Variants in SCARA3 observed in about 807,000 individuals in gnomAD.
SCARA3 encodes scavenger receptor class A member 3.
A neutral mutation model predicts 47.0 loss-of-function variants in SCARA3; 39 were observed. The ratio of observed to expected loss-of-function variants is 0.83; its 90% CI spans 0.64 to 1.08. The LOEUF is 1.08. Ranked by LOEUF, SCARA3 falls within the 50% of genes least tolerant of loss-of-function variation. The pLI, the probability that SCARA3 is intolerant of heterozygous loss-of-function variation, is 0.00. For missense variants in SCARA3, 724 were observed against 792.3 expected (o/e 0.91, Z 1.04); for synonymous variants, 356 against 334.1 (o/e 1.07, Z -0.71).
intron 1 of SCARA3, among the ~76,000 whole-genome samples, chr8:27,647,935 G>A (rs1256831238): frequency 6.6e-6 from 1 of 152,266 alleles, no homozygotes; most frequent in African/African-American, 2.4e-5. Flanking sequence ...CATGGCATTT[G>A]GGCCTCAGGT....
At chr8:27,665,915 G>T (rs949924944) in intron 5 of SCARA3, among the ~76,000 whole-genome samples, 2 of 152,200 alleles carry the variant, frequency 1.3e-5, no homozygotes, top group African/African-American at 4.8e-5. Context: ...AGAAATGTTT[G>T]CTCGGTGAAT....
chr8:27,657,925 A>T (rs937925034), intron 4 of SCARA3, among the ~76,000 whole-genome samples: 5 of 152,144 alleles, frequency 3.3e-5, no homozygotes, highest in African/African-American at 1.2e-4. Context: ...TGCTTAGGTC[A>T]TGCCACAATT....
At chr8:27,703,844 C>CTTTTTTTTTTTTTTTTTTTTTT in the SCARA3 span, 11 of 54,524 alleles carry the variant, frequency 2.0e-4, no homozygotes, top group African/African-American at 5.9e-4. Context: ...GTGCTTTCTA[C>CTTTTTTTTTTTTTTTTTTTTTT]TTTTTTTTTT....
At chr8:27,668,904 C>T (rs1802080742) in intron 5 of SCARA3, among the ~76,000 whole-genome samples, 1 of 152,118 alleles carries the variant, frequency 6.6e-6, no homozygotes, top group Non-Finnish European at 1.5e-5. Flanking sequence ...GGTTGTCCAC[C>T]AAAGATGGTG....
At position 27,659,147 on chromosome 8, in the gene SCARA3, A is replaced by G. The variant is rs766519479; in HGVS notation, c.977A>G (p.His326Arg). ...CTGGATGACCACGAAGAGAACATGC[A>G]TGATCTTCAGTACCATACCCACTAC... ...SFLDDHEENM[H>R]DLQYHTHYAQ... The change falls in exon 5 of 6, where the codon CAT becomes CGT. Residue 326 changes from histidine (H) to arginine (R), a missense_variant. Physicochemically the swap from His to Arg is conservative, Grantham distance 29. Transcript: ENST00000301904. 5 of 1,614,114 alleles carry G rather than the reference A, an allele frequency of 3.1e-6. No homozygotes were observed. In the Admixed American group the frequency reaches 5.0e-5, roughly 16 times the overall value.
At chr8:27,660,638 A>AGATAGATAGAT (rs71222504) in intron 5 of SCARA3, among the ~76,000 whole-genome samples, 1 of 147,548 alleles carries the variant, frequency 6.8e-6, no homozygotes, top group Non-Finnish European at 1.5e-5. Flanking sequence ...ATAGATAGAT[A>AGATAGATAGAT]GATAGATAGA....
the SCARA3 span, among the ~76,000 whole-genome samples, chr8:27,720,221 G>A: frequency 7.2e-5 from 11 of 152,142 alleles, no homozygotes; most frequent in African/African-American, 2.7e-4. Flanking sequence ...ACAGGAGGGT[G>A]CTGAGCAAGT....
At chr8:27,724,234 G>A in the SCARA3 span, among the ~76,000 whole-genome samples, 1 of 152,156 alleles carries the variant, frequency 6.6e-6, no homozygotes, top group African/African-American at 2.4e-5. Context: ...ATTTTTGGCA[G>A]GGTTGCTAGA....
the SCARA3 span, among the ~76,000 whole-genome samples, chr8:27,715,578 AC>A: frequency 3.5e-5 from 3 of 86,476 alleles, no homozygotes; most frequent in Admixed American, 2.3e-4. This position sits in a 1 kb window ranked among gnomAD's most constrained non-coding sequence, Gnocchi z 4.2. Context: ...CCCACTTCGC[AC>A]CTAGATAGAT....
chr8:27,665,497 G>A (rs1309953170), intron 5 of SCARA3, among the ~76,000 whole-genome samples: 1 of 152,146 alleles, frequency 6.6e-6, no homozygotes, highest in African/African-American at 2.4e-5. Flanking sequence ...CCATCATAAC[G>A]TATTAGCTAA....
intron 3 of SCARA3, among the ~76,000 whole-genome samples, chr8:27,653,291 C>T (rs1305325285): frequency 6.6e-6 from 1 of 152,180 alleles, no homozygotes; most frequent in African/African-American, 2.4e-5. Flanking sequence ...GTCAGCCTGG[C>T]AGGCTGGAGC....
At chr8:27,732,487 G>A in the SCARA3 span, among the ~76,000 whole-genome samples, 1 of 152,182 alleles carries the variant, frequency 6.6e-6, no homozygotes, top group South Asian at 2.1e-4. Context: ...AAATCAGAAA[G>A]ACAAAACTAA....
At chr8:27,704,906 G>T in the SCARA3 span, among the ~76,000 whole-genome samples, 13 of 152,102 alleles carry the variant, frequency 8.5e-5, no homozygotes, top group Admixed American at 2.6e-4. Flanking sequence ...CGCCCTGCAG[G>T]GTAATCCAAC....
downstream of SCARA3, among the ~76,000 whole-genome samples, chr8:27,673,426 G>A (rs1316608790): frequency 6.6e-6 from 1 of 152,258 alleles, no homozygotes; most frequent in East Asian, 1.9e-4. Context: ...GGCTTGGCAG[G>A]GTCTGCGGAT....
At position 27,660,293 on chromosome 8, in the gene SCARA3, G is replaced by A. The variant is rs180822620; in HGVS notation, c.1369+754G>A. ...GATCCACAGAAATAGAATCAATAGT[G>A]TATATATATATAGAGAGATAGACCC... On this transcript the variant is annotated intron_variant, in intron 5 of 5. Transcript: ENST00000301904. Among the ~76,000 whole-genome samples, 405 of 151,754 alleles carry A rather than the reference G, an allele frequency of 2.7e-3. 2 individuals are homozygous for A. Among genetic ancestry groups the A allele is most frequent in the African/African-American group, 9.6e-3 (398 of 41,316 alleles).
At chr8:27,723,956 G>T in the SCARA3 span, among the ~76,000 whole-genome samples, 1 of 152,056 alleles carries the variant, frequency 6.6e-6, no homozygotes, top group East Asian at 1.9e-4. Context: ...GGCTGGTCTC[G>T]AACACATAGC....
intron 3 of SCARA3, among the ~76,000 whole-genome samples, chr8:27,653,436 C>G (rs1369490162): frequency 6.6e-6 from 1 of 152,142 alleles, no homozygotes; most frequent in Non-Finnish European, 1.5e-5. Context: ...CCACGGGAGA[C>G]CTTTGGGTTT....
At chr8:27,696,661 GGCTGGTCTCAAACT>G in the SCARA3 span, among the ~76,000 whole-genome samples, 1 of 145,372 alleles carries the variant, frequency 6.9e-6, no homozygotes, top group Non-Finnish European at 1.5e-5. Context: ...CTCTTGCCCA[GGCTGGTCTCAAACT>G]GCTGGTCTCA....
chr8:27,707,064 A>G, the SCARA3 span, among the ~76,000 whole-genome samples: 1 of 152,214 alleles, frequency 6.6e-6, no homozygotes, highest in Non-Finnish European at 1.5e-5. Flanking sequence ...CCAAGCACCA[A>G]ATAGTGAGGG....
Sources: gnomAD v4.1 joint callset for allele counts (sites outside exome capture counted in the v4.1 genomes callset) on GRCh38, gnomAD v4.1.1 for gene constraint, Gnocchi (gnomAD v3.1) non-coding constraint, MANE v1.5 for transcripts, NCBI Gene and HGNC (gene_info 2026-07-23, HGNC 2026-07-21) for gene names.